Variants in IMMP2L observed in about 807,000 individuals in gnomAD.
IMMP2L encodes inner mitochondrial membrane peptidase subunit 2.
In IMMP2L, 18 loss-of-function variants were observed where a neutral mutation model predicts 19.3. The observed-to-expected ratio is 0.93, with a 90% CI of 0.64 to 1.38. The LOEUF (loss-of-function observed/expected upper bound fraction) is 1.38, where lower values mean the gene tolerates loss of function less well. Among genes scored for constraint, IMMP2L ranks in the 40% most tolerant of loss-of-function variants. The probability of loss-of-function intolerance (pLI) is 0.00; values close to 1 mark genes in which losing one functional copy is unlikely to be tolerated. For missense variants in IMMP2L, 233 were observed against 218.2 expected (o/e 1.07, Z -0.43); for synonymous variants, 76 against 73.0 (o/e 1.04, Z -0.21).
At chr7:111,072,161 C>T (rs150805045) in intron 3 of IMMP2L, among the ~76,000 whole-genome samples, 1,541 of 152,178 alleles carry the variant, frequency 0.01, 39 homozygotes, top group Admixed American at 0.046. Flanking sequence ...TTCCTTACAA[C>T]GGAATGGAAT....
intron 5 of IMMP2L, among the ~76,000 whole-genome samples, chr7:110,678,076 C>T (rs111475623): frequency 0.031 from 4,773 of 152,206 alleles, 82 homozygotes; most frequent in South Asian, 0.065. Flanking sequence ...AGAACTCTTT[C>T]CTTCCTGAAG....
intron 5 of IMMP2L, among the ~76,000 whole-genome samples, chr7:110,804,655 C>T (rs368739241): frequency 1.4e-4 from 22 of 152,128 alleles, no homozygotes; most frequent in East Asian, 7.8e-4. Flanking sequence ...ATAGGATGTG[C>T]GAAAAGTGAG....
chr7:111,498,425 T>C (rs1237510663), intron 2 of IMMP2L, among the ~76,000 whole-genome samples: 10 of 152,044 alleles, frequency 6.6e-5, no homozygotes, highest in Admixed American at 5.9e-4. Flanking sequence ...CCCAGCAAGA[T>C]ACATGCGGAA....
chr7:111,383,519 C>A (rs1055118304), intron 3 of IMMP2L, among the ~76,000 whole-genome samples: 2 of 152,130 alleles, frequency 1.3e-5, no homozygotes, highest in Non-Finnish European at 2.9e-5. Flanking sequence ...GCTACGCCTA[C>A]AAAACCAAGA....
intron 3 of IMMP2L, among the ~76,000 whole-genome samples, chr7:110,979,179 C>A (rs1180352040): frequency 6.6e-6 from 1 of 152,006 alleles, no homozygotes; most frequent in East Asian, 1.9e-4. Context: ...ACATGAATAT[C>A]CACATGAATT....
Position 111,068,518 on chromosome 7 carries a change from G to C in IMMP2L, c.240-104953C>G, listed in dbSNP as rs145780007. Among the ~76,000 whole-genome samples the C allele has an allele frequency of 5.4e-3, 816 of 152,204 alleles. 7 individuals are homozygous for C. The highest frequency in any genetic ancestry group is 0.015 in the Admixed American group (222 of 15,272). On this transcript the variant is annotated intron_variant, in intron 3 of 5. Transcript: ENST00000405709. ...TGCTTTACAGTTCTGTGGGGGAAGT[G>C]AGAAAAAGCTCAAGATGTAGGGTTT...
chr7:110,958,341 CA>C (rs1818579230), intron 4 of IMMP2L, among the ~76,000 whole-genome samples: 1 of 151,946 alleles, frequency 6.6e-6, no homozygotes, highest in African/African-American at 2.4e-5. Context: ...ATCTATTCTA[CA>C]AAAATAAACA....
At chr7:111,191,544 C>A (rs188949846) in intron 3 of IMMP2L, among the ~76,000 whole-genome samples, 1 of 151,848 alleles carries the variant, frequency 6.6e-6, no homozygotes, top group South Asian at 2.1e-4. Context: ...CTCTTCCAGG[C>A]AAATTCCCTA....
chr7:111,006,783 A>T (rs1408569353), intron 3 of IMMP2L, among the ~76,000 whole-genome samples: 1 of 152,088 alleles, frequency 6.6e-6, no homozygotes, highest in Non-Finnish European at 1.5e-5. Context: ...TCATGTAAGC[A>T]CTTGAAGATC....
At chr7:111,460,873 T>C (rs1322257616) in intron 3 of IMMP2L, among the ~76,000 whole-genome samples, 1 of 152,114 alleles carries the variant, frequency 6.6e-6, no homozygotes, top group African/African-American at 2.4e-5. Context: ...TGTAAGACTA[T>C]GACACTAGTA....
At chr7:111,443,939 T>C (rs534622089) in intron 3 of IMMP2L, among the ~76,000 whole-genome samples, 8 of 152,258 alleles carry the variant, frequency 5.3e-5, no homozygotes, top group Admixed American at 3.9e-4. Context: ...AAGCATACAG[T>C]ATGTGCATCT....
intron 3 of IMMP2L, among the ~76,000 whole-genome samples, chr7:111,161,556 T>C (rs1448116848): frequency 1.3e-5 from 2 of 151,758 alleles, no homozygotes; most frequent in Non-Finnish European, 2.9e-5. Context: ...AAATAGCAAA[T>C]CAGGAAACGA....
At chr7:111,015,681 G>A (rs532135987) in intron 3 of IMMP2L, among the ~76,000 whole-genome samples, 15 of 152,164 alleles carry the variant, frequency 9.9e-5, no homozygotes, top group African/African-American at 3.4e-4. Context: ...GGAAACTGGC[G>A]GTAAATGGAG....
chr7:110,934,037 T>C (rs1239144296), intron 4 of IMMP2L, among the ~76,000 whole-genome samples: 1 of 152,222 alleles, frequency 6.6e-6, no homozygotes, highest in Non-Finnish European at 1.5e-5. Flanking sequence ...TGGTACGTTG[T>C]TTCTTTGTTC....
intron 5 of IMMP2L, among the ~76,000 whole-genome samples, chr7:110,772,909 A>G (rs972620786): frequency 1.3e-5 from 2 of 151,052 alleles, no homozygotes; most frequent in African/African-American, 4.9e-5. Flanking sequence ...GCAAAGGAAC[A>G]CTCCAGTTTC....
chr7:111,281,178 GAAAGAAAGAA>G (rs1470595374), intron 3 of IMMP2L, among the ~76,000 whole-genome samples: 1 of 74,692 alleles, frequency 1.3e-5, no homozygotes, highest in Non-Finnish European at 2.6e-5. Flanking sequence ...AAGAAAGAAA[GAAAGAAAGAA>G]AGAAAGAAAG....
intron 3 of IMMP2L, among the ~76,000 whole-genome samples, chr7:111,402,740 A>T (rs1342066539): frequency 6.6e-6 from 1 of 152,008 alleles, no homozygotes; most frequent in East Asian, 1.9e-4. Flanking sequence ...GCTTCAATTT[A>T]CTATAAAATC....
chr7:111,529,099 T>C (rs1847153855), intron 1 of IMMP2L, among the ~76,000 whole-genome samples: 2 of 152,300 alleles, frequency 1.3e-5, no homozygotes, highest in Admixed American at 6.5e-5. Flanking sequence ...CTAGACACTA[T>C]GTTAAGACAC....
intron 3 of IMMP2L, among the ~76,000 whole-genome samples, chr7:111,004,477 A>G (rs974459410): frequency 6.6e-6 from 1 of 152,174 alleles, no homozygotes; most frequent in African/African-American, 2.4e-5. Flanking sequence ...TTTAATTCTC[A>G]TAAAGCACTT....
Sources: allele counts gnomAD v4.1 joint callset (sites outside exome capture counted in the v4.1 genomes callset), GRCh38; gene constraint gnomAD v4.1.1; transcripts MANE v1.5; gene names NCBI Gene and HGNC (gene_info 2026-07-23, HGNC 2026-07-21).